The following OSBPL10 variants were observed in gnomAD, a reference collection of about 807,000 sequenced individuals.
OSBPL10 encodes oxysterol-binding protein-related protein 10.
OSBPL10 carries 49 observed loss-of-function variants against 81.7 expected under a neutral mutation model. The ratio of observed to expected loss-of-function variants is 0.60; its 90% CI spans 0.48 to 0.76. OSBPL10 has a LOEUF of 0.76. OSBPL10 is among the 30% of genes least tolerant of loss of function. The pLI is 0.00. For synonymous variants in OSBPL10, 419 were observed against 383.6 expected (o/e 1.09, Z -1.08); for missense variants, 923 against 987.8 (o/e 0.93, Z 0.88).
chr3:31,955,226 C>G (rs1007365715), intron 1 of OSBPL10, among the ~76,000 whole-genome samples: 1 of 152,248 alleles, frequency 6.6e-6, no homozygotes, highest in Admixed American at 6.5e-5. Flanking sequence ...TGTTGAACCA[C>G]TACTATACAC....
At chr3:31,913,252 GT>G (rs1553640050) in intron 1 of OSBPL10, among the ~76,000 whole-genome samples, 35 of 145,962 alleles carry the variant, frequency 2.4e-4, no homozygotes, top group Admixed American at 1.6e-3. Flanking sequence ...TTTGTTTTTT[GT>G]TTTTTTTTTC....
At chr3:31,933,905 C>G (rs868130572) in intron 1 of OSBPL10, among the ~76,000 whole-genome samples, 1 of 151,580 alleles carries the variant, frequency 6.6e-6, no homozygotes, top group African/African-American at 2.4e-5. Flanking sequence ...GGAAAGAAGA[C>G]AGAAAAAAGT....
chr3:32,005,348 T>G (rs1047449613), intron 2 of OSBPL10, among the ~76,000 whole-genome samples: 1 of 152,132 alleles, frequency 6.6e-6, no homozygotes, highest in African/African-American at 2.4e-5. Context: ...GTATTATCCA[T>G]TCCCTGAGCA....
intron 2 of OSBPL10, among the ~76,000 whole-genome samples, chr3:32,043,500 G>C (rs966198568): frequency 2.0e-5 from 3 of 152,338 alleles, no homozygotes; most frequent in Admixed American, 2.0e-4. Context: ...AGGATTAAGA[G>C]ATTAAAGTAA....
chr3:31,782,005 T>C (rs1698708971), intron 4 of OSBPL10, among the ~76,000 whole-genome samples: 1 of 152,138 alleles, frequency 6.6e-6, no homozygotes, highest in Admixed American at 6.5e-5. Flanking sequence ...AAAGCAAGAC[T>C]AGGCAACAAG....
At chr3:32,031,484 C>G (rs550391205) in intron 2 of OSBPL10, among the ~76,000 whole-genome samples, 2 of 150,460 alleles carry the variant, frequency 1.3e-5, no homozygotes, top group African/African-American at 5.0e-5. Flanking sequence ...TTTTTCGAGA[C>G]AGAGTCTCAC....
chr3:31,683,651 AC>A lies in OSBPL10; in HGVS notation c.1708del (p.Val570SerfsTer3). On this transcript the variant is annotated frameshift_variant, in exon 8 of 12. Transcript: ENST00000396556. LOFTEE classifies it high-confidence loss of function. ...KSKFMGMSVG[V>X]SMIGEGVLRL... ...TGGCTTACCTTCCCCTATCATAGAGACCCCCACGGACATGCCCATGAACTTG... is the reference window on the plus strand; with the variant it reads ...TGGCTTACCTTCCCCTATCATAGAGACCCCACGGACATGCCCATGAACTTG... The A allele has an allele frequency of 6.2e-7, 1 of 1,611,386 alleles. No individual in the cohort carries two copies. Among genetic ancestry groups the A allele is most frequent in the Non-Finnish European group, 8.5e-7 (1 of 1,177,914 alleles).
At chr3:31,848,967 C>T (rs1700698311) in intron 3 of OSBPL10, among the ~76,000 whole-genome samples, 1 of 152,212 alleles carries the variant, frequency 6.6e-6, no homozygotes, top group Non-Finnish European at 1.5e-5. Context: ...GGTCTCAGGT[C>T]CACTTTGGTG....
chr3:31,989,331 G>A (rs1275025488), intron 2 of OSBPL10: 2 of 1,614,160 alleles, frequency 1.2e-6, no homozygotes, highest in Non-Finnish European at 1.7e-6. Flanking sequence ...ATACAGAAGT[G>A]GACACAGGGA....
At chr3:31,812,724 AAGAAAGAAAGAAAGAAAGAAAG>A (rs1699719031) in intron 4 of OSBPL10, among the ~76,000 whole-genome samples, 6 of 18,378 alleles carry the variant, frequency 3.3e-4, no homozygotes, top group South Asian at 2.0e-3. Flanking sequence ...AAAAAAAAGA[AAGAAAGAAAGAAAGAAAGAAAG>A]AAAGAAAGAA....
chr3:32,026,098 A>C (rs1026401034), intron 2 of OSBPL10, among the ~76,000 whole-genome samples: 9 of 150,756 alleles, frequency 6.0e-5, no homozygotes, highest in African/African-American at 2.2e-4. Context: ...TAGATGATAG[A>C]TAGATAGAGA....
intron 6 of OSBPL10, among the ~76,000 whole-genome samples, chr3:31,702,921 A>G (rs1695944076): frequency 6.6e-6 from 1 of 152,218 alleles, no homozygotes; most frequent in African/African-American, 2.4e-5. Flanking sequence ...TTTATAAGTA[A>G]AAGTTGGATT....
chr3:31,687,479 ATAAG>A (rs1700822321), intron 7 of OSBPL10, among the ~76,000 whole-genome samples: 1 of 151,642 alleles, frequency 6.6e-6, no homozygotes, highest in Admixed American at 6.6e-5. Context: ...AAAAAAAAAA[ATAAG>A]TAAATAAATA....
intron 1 of OSBPL10, among the ~76,000 whole-genome samples, chr3:31,907,482 C>A (rs1192772836): frequency 1.3e-5 from 2 of 151,568 alleles, no homozygotes; most frequent in Non-Finnish European, 2.9e-5. Flanking sequence ...CAAAAAGTAG[C>A]CAGGCATGGT....
At chr3:31,858,121 C>T (rs982351150) in intron 3 of OSBPL10, among the ~76,000 whole-genome samples, 3 of 151,566 alleles carry the variant, frequency 2.0e-5, no homozygotes, top group Non-Finnish European at 4.4e-5. Flanking sequence ...CTCAGCCTCC[C>T]GAGTATCTAG....
chr3:31,712,136 C>T (rs1459097261), intron 6 of OSBPL10, among the ~76,000 whole-genome samples: 1 of 152,136 alleles, frequency 6.6e-6, no homozygotes, highest in East Asian at 1.9e-4. Context: ...TGGTTTTGGC[C>T]TTATAATAGG....
intron 1 of OSBPL10, among the ~76,000 whole-genome samples, chr3:31,923,238 A>T (rs1176915048): frequency 1.3e-5 from 2 of 152,100 alleles, no homozygotes; most frequent in Admixed American, 6.6e-5. Flanking sequence ...GAGCTAAACC[A>T]CCAATTTGGT....
intron 2 of OSBPL10, chr3:32,030,360 G>A: frequency 1.8e-6 from 1 of 549,848 alleles, no homozygotes; most frequent in Non-Finnish European, 3.4e-6. Flanking sequence ...TGCCCCACAA[G>A]AGGCACCATG....
intron 4 of OSBPL10, among the ~76,000 whole-genome samples, chr3:31,756,793 G>T (rs981049855): frequency 2.0e-5 from 3 of 152,124 alleles, no homozygotes; most frequent in African/African-American, 7.2e-5. Flanking sequence ...TCATAACAAC[G>T]ATGTCTTTTA....
Sources: allele counts gnomAD v4.1 joint callset (sites outside exome capture counted in the v4.1 genomes callset), GRCh38; gene constraint gnomAD v4.1.1; transcripts MANE v1.5; gene names NCBI Gene and HGNC (gene_info 2026-07-23, HGNC 2026-07-21).